INSC: variants seen among roughly 807,000 people sequenced by gnomAD.
INSC encodes protein inscuteable homolog.
A neutral mutation model predicts 58.6 loss-of-function variants in INSC; 67 were observed. The ratio of observed to expected loss-of-function variants is 1.14; its 90% CI spans 0.94 to 1.40. The LOEUF is 1.40. Ranked by LOEUF, INSC falls within the 40% of genes most tolerant of loss-of-function variation. The probability of loss-of-function intolerance (pLI) is 0.00; values close to 1 mark genes in which losing one functional copy is unlikely to be tolerated. For missense variants in INSC, 714 were observed against 692.0 expected (o/e 1.03, Z -0.36); for synonymous variants, 262 against 276.1 (o/e 0.95, Z 0.51).
chr11:15,135,734 AT>A (rs1590345464), intron 1 of INSC, among the ~76,000 whole-genome samples: 1 of 152,206 alleles, frequency 6.6e-6, no homozygotes, highest in East Asian at 1.9e-4. Context: ...TATTCAAAAC[AT>A]GGTTTATTTC....
intron 12 of INSC, 134 bp downstream of exon 12, chr11:15,240,657 G>A (rs1300754924): frequency 4.4e-6 from 3 of 683,852 alleles, no homozygotes; most frequent in African/African-American, 3.6e-5. Flanking sequence ...TTCTCTTTAG[G>A]ATTGTGAACA....
intron 7 of INSC, among the ~76,000 whole-genome samples, 176 bp downstream of exon 7, chr11:15,201,125 T>G (rs991526459): frequency 2.0e-5 from 3 of 151,064 alleles, no homozygotes; most frequent in African/African-American, 7.3e-5. Context: ...AGCAAAGAGG[T>G]GAAGGAGATG....
chr11:15,240,376 G>C (rs1852298148), intron 11 of INSC, 71 bp from the exon 12 acceptor site: 1 of 1,333,968 alleles, frequency 7.5e-7, no homozygotes, highest in Admixed American at 1.8e-5. Context: ...TGCAAGGGAG[G>C]CCCAGAACCT....
In INSC at chr11:15,246,318, T is replaced by G. The variant is rs1484418341; in HGVS notation, c.*278T>G. ...AAATATGACAAATTGTCATGGGTGA[T>G]TCCACTTCATCTTATTTTTTCTACT... is the stretch of plus-strand genomic sequence containing the variant. On this transcript the variant is annotated 3_prime_UTR_variant, in exon 13 of 13. Coordinates refer to ENST00000379556, the MANE Select transcript of INSC (RefSeq NM_001042536.3). The G allele has an allele frequency of 4.3e-6, 1 of 234,876 alleles. No homozygotes were observed. Among genetic ancestry groups the G allele is most frequent in the Non-Finnish European group, 8.4e-6 (1 of 119,252 alleles). 14.5% of individuals were successfully genotyped at this position (234,876 alleles called of 1,614,324 possible). A position where few individuals can be genotyped will look rare whatever the true frequency, so the allele number is the denominator to read the frequency against.
In INSC at chr11:15,200,802, T is replaced by C. The variant is rs952942440; in HGVS notation, c.694-22T>C. The C allele has an allele frequency of 3.1e-6, 5 of 1,613,882 alleles. No homozygotes were observed. In the African/African-American group the frequency reaches 5.3e-5, roughly 17 times the overall value. ...GACAAGGTCACACAGTAAGATGATG[T>C]GACATTTCTTTCTCTTGGCAGGAGG... On this transcript the variant is annotated intron_variant, in intron 6 of 12. Transcript: ENST00000379556.
At chr11:15,111,556 A>G (rs1044084102), upstream of INSC, among the ~76,000 whole-genome samples, 3 of 152,144 alleles carry the variant, frequency 2.0e-5, no homozygotes, top group African/African-American at 7.2e-5. Context: ...ACTTTGGTTT[A>G]GGTGAAATAA....
chr11:15,212,678 G>A (rs2133910650), intron 7 of INSC, among the ~76,000 whole-genome samples: 1 of 152,230 alleles, frequency 6.6e-6, no homozygotes, highest in East Asian at 1.9e-4. Flanking sequence ...AAAAATACAA[G>A]TTTGATATTG....
chr11:15,198,678 G>T (rs1031116465), intron 6 of INSC, among the ~76,000 whole-genome samples: 1 of 151,890 alleles, frequency 6.6e-6, no homozygotes, highest in African/African-American at 2.4e-5. Context: ...CCATATATAT[G>T]TATATATATT....
chr11:15,192,054 T>C (rs137960806), intron 6 of INSC, among the ~76,000 whole-genome samples: 19 of 152,334 alleles, frequency 1.2e-4, no homozygotes, highest in African/African-American at 4.6e-4. Context: ...GGGAGAAGAA[T>C]GCAGGCTAAA....
At chr11:15,152,260 G>A (rs1434584643) in intron 2 of INSC, among the ~76,000 whole-genome samples, 2 of 152,184 alleles carry the variant, frequency 1.3e-5, no homozygotes, top group African/African-American at 4.8e-5. Context: ...ACCTGGCTCA[G>A]TGATGTCAAC....
At chr11:15,151,916 C>T (rs548770490) in intron 2 of INSC, among the ~76,000 whole-genome samples, 48 of 152,210 alleles carry the variant, frequency 3.2e-4, no homozygotes, top group Non-Finnish European at 5.6e-4. Context: ...TTTTTCTCTC[C>T]GAATCCCTGC....
chr11:15,144,562 G>A (rs1714355), intron 1 of INSC, among the ~76,000 whole-genome samples: 145,113 of 152,240 alleles, frequency 0.95, 69,568 homozygotes, highest in East Asian at 1. Context: ...GCCAAAGCTT[G>A]ACTACTTTCC....
At chr11:15,202,652 T>G (rs1159712385) in intron 7 of INSC, among the ~76,000 whole-genome samples, 4 of 152,148 alleles carry the variant, frequency 2.6e-5, no homozygotes, top group African/African-American at 9.7e-5. Flanking sequence ...CTTTCCTGTC[T>G]GGTTGGCAGG....
At chr11:15,209,398 G>C (rs555894865) in intron 7 of INSC, among the ~76,000 whole-genome samples, 83 of 152,248 alleles carry the variant, frequency 5.5e-4, no homozygotes, top group African/African-American at 1.9e-3. Flanking sequence ...AAAGGTCTTT[G>C]GGGCCTCCTT....
chr11:15,204,498 C>T (rs1377106470), intron 7 of INSC, among the ~76,000 whole-genome samples: 3 of 152,248 alleles, frequency 2.0e-5, no homozygotes, highest in Non-Finnish European at 4.4e-5. Context: ...CACACCCCCT[C>T]CCTGGGTTCT....
chr11:15,223,097 G>T (rs922387773), intron 8 of INSC, among the ~76,000 whole-genome samples: 2 of 152,218 alleles, frequency 1.3e-5, no homozygotes, highest in Non-Finnish European at 2.9e-5. Flanking sequence ...AAATTGAAAA[G>T]CCCATGCACT....
At chr11:15,152,001 G>C (rs1220109571) in intron 2 of INSC, among the ~76,000 whole-genome samples, 2 of 152,152 alleles carry the variant, frequency 1.3e-5, no homozygotes, top group African/African-American at 4.8e-5. Flanking sequence ...TTGGCTTATG[G>C]TTTCAAGTAC....
chr11:15,214,003 G>A (rs747100818), intron 7 of INSC, among the ~76,000 whole-genome samples: 7 of 152,138 alleles, frequency 4.6e-5, no homozygotes, highest in African/African-American at 9.7e-5. Flanking sequence ...TGTTGCAGAC[G>A]TCATCCTGAA....
intron 2 of INSC, among the ~76,000 whole-genome samples, chr11:15,157,315 C>G (rs1848849203): frequency 6.6e-6 from 1 of 152,232 alleles, no homozygotes; most frequent in Non-Finnish European, 1.5e-5. Flanking sequence ...GCTCCTGACT[C>G]TGGTGGTTTT....
Sources: gnomAD v4.1 joint callset for allele counts (sites outside exome capture counted in the v4.1 genomes callset) on GRCh38, gnomAD v4.1.1 for gene constraint, MANE v1.5 for transcripts, NCBI Gene and HGNC (gene_info 2026-07-23, HGNC 2026-07-21) for gene names.